MAGI2: variants seen among roughly 807,000 people sequenced by gnomAD.
The protein encoded by MAGI2 is membrane-associated guanylate kinase, WW and PDZ domain-containing protein 2.
MAGI2 carries 35 observed loss-of-function variants against 133.3 expected under a neutral mutation model. The ratio of observed to expected loss-of-function variants is 0.26; its 90% CI spans 0.20 to 0.35. The LOEUF is 0.35. Ranked by LOEUF, MAGI2 falls within the 10% of genes least tolerant of loss-of-function variation. The pLI is 1.00. For synonymous variants in MAGI2, 729 were observed against 710.6 expected, an observed-to-expected ratio of 1.03 and a Z score of -0.41; for missense variants, 1,636 against 1,863.4, an observed-to-expected ratio of 0.88 and a Z score of 2.25.
chr7:78,831,888 G>A (rs1430291114), intron 2 of MAGI2, among the ~76,000 whole-genome samples: 1 of 152,084 alleles, frequency 6.6e-6, no homozygotes, highest in East Asian at 1.9e-4. Context: ...TAATTTTCAT[G>A]TGAAATTTAT....
chr7:78,066,696 C>G (rs1563075235), intron 21 of MAGI2, among the ~76,000 whole-genome samples: 1 of 152,060 alleles, frequency 6.6e-6, no homozygotes, highest in Non-Finnish European at 1.5e-5. Flanking sequence ...TCTGGAATAT[C>G]TAGATTAGTA....
intron 3 of MAGI2, among the ~76,000 whole-genome samples, chr7:78,548,869 T>C (rs1429175574): frequency 3.9e-5 from 6 of 152,208 alleles, no homozygotes; most frequent in Non-Finnish European, 7.3e-5. Context: ...ATCCAAAGTC[T>C]ATATTGAGTT....
intron 1 of MAGI2, among the ~76,000 whole-genome samples, chr7:79,258,327 C>A (rs1402208368): frequency 6.6e-6 from 1 of 152,190 alleles, no homozygotes; most frequent in African/African-American, 2.4e-5. Flanking sequence ...TTAAATAAAT[C>A]TTCTGGGATA....
chr7:78,520,920 A>T (rs1584482399), intron 4 of MAGI2, among the ~76,000 whole-genome samples: 1 of 152,284 alleles, frequency 6.6e-6, no homozygotes, highest in Non-Finnish European at 1.5e-5. Flanking sequence ...ATATATGGGC[A>T]TTCTGCAGTT....
chr7:79,005,046 C>T (rs1020081886), intron 2 of MAGI2, among the ~76,000 whole-genome samples: 2 of 149,858 alleles, frequency 1.3e-5, no homozygotes, highest in South Asian at 2.1e-4. Flanking sequence ...CGCACCATTG[C>T]ACTCCAGCCT....
At chr7:78,268,014 A>G (rs1459181965) in intron 9 of MAGI2, among the ~76,000 whole-genome samples, 1 of 152,134 alleles carries the variant, frequency 6.6e-6, no homozygotes, top group Non-Finnish European at 1.5e-5. Context: ...CTGTACGACT[A>G]TTGAACATGT....
chr7:79,260,403 CATACA>C (rs1305861480), intron 1 of MAGI2, among the ~76,000 whole-genome samples: 8 of 82,202 alleles, frequency 9.7e-5, no homozygotes, highest in African/African-American at 3.0e-4. Context: ...TACATACATA[CATACA>C]TACATACACT....
At chr7:78,415,018 G>A (rs914549930) in intron 6 of MAGI2, among the ~76,000 whole-genome samples, 1 of 152,010 alleles carries the variant, frequency 6.6e-6, no homozygotes, top group Non-Finnish European at 1.5e-5. Flanking sequence ...TACAATAATA[G>A]ATTTCATAAA....
Position 79,198,293 on chromosome 7 carries a change from C to G in MAGI2, c.302-191087G>C, listed in dbSNP as rs1421915863. ...ACAACAACAACAACAAAAACCACAG[C>G]AAGGGCCTTGAAAAGCACATTAGTA... On this transcript the variant is annotated intron_variant, in intron 1 of 21. Coordinates refer to ENST00000354212, the MANE Select transcript of MAGI2 (RefSeq NM_012301.4). 2.6e-5 allele frequency among the ~76,000 whole-genome samples: 4 copies of G among 151,650 alleles called. No homozygotes were observed. In the South Asian group the frequency reaches 8.3e-4, roughly 31 times the overall value.
rs34844201 is a variant in MAGI2 at position 78,838,509 on chromosome 7, AGTGTGTGTGT to A, written c.418+168571_418+168580del. On this transcript the variant is annotated intron_variant, in intron 2 of 21. Transcript: ENST00000354212. ...ATTAAATAAAAGCATTATGTGTGTG[AGTGTGTGTGT>A]GTGTGTGTGTGTGTGTGTCAGATTT... Among the ~76,000 whole-genome samples the A allele has an allele frequency of 2.4e-3, 354 of 147,850 alleles. 3 individuals are homozygous for A. The highest frequency in any genetic ancestry group is 8.3e-3 in the African/African-American group (335 of 40,272).
intron 3 of MAGI2, among the ~76,000 whole-genome samples, chr7:78,597,825 G>A (rs1161854083): frequency 2.0e-5 from 3 of 150,526 alleles, no homozygotes; most frequent in Non-Finnish European, 3.0e-5. Flanking sequence ...TCTTCAATCC[G>A]ATATTTCCAG....
At chr7:79,301,825 T>C (rs996791121) in intron 1 of MAGI2, among the ~76,000 whole-genome samples, 17 of 152,334 alleles carry the variant, frequency 1.1e-4, no homozygotes, top group Middle Eastern at 6.8e-3. Context: ...GGTGTTTGGA[T>C]AATGGGAGTG....
Position 78,019,306 on chromosome 7 carries a change from C to A in MAGI2, c.*9G>T, listed in dbSNP as rs376376862. ...GCCGGGGCGGGCGGGTTGGCCGTGG[C>A]CGCGCGGCTCATCTGCTGGCGGCCG... On this transcript the variant is annotated 3_prime_UTR_variant, in exon 22 of 22. Transcript: ENST00000354212. The A allele has an allele frequency of 1.9e-6, 3 of 1,568,582 alleles. No homozygotes were observed. The highest frequency in any genetic ancestry group is 2.6e-6 in the Non-Finnish European group (3 of 1,167,142).
intron 1 of MAGI2, among the ~76,000 whole-genome samples, chr7:79,337,498 G>A (rs1344256499): frequency 6.6e-6 from 1 of 152,190 alleles, no homozygotes; most frequent in Non-Finnish European, 1.5e-5. Context: ...TAAGTCAGCA[G>A]TGCAGAAAGA....
intron 3 of MAGI2, among the ~76,000 whole-genome samples, chr7:78,572,739 C>T (rs1007189262): frequency 7.2e-4 from 109 of 151,470 alleles, no homozygotes; most frequent in African/African-American, 2.3e-3. Context: ...CTTGGCTCAC[C>T]GCAACCTCCG....
chr7:78,615,689 A>C (rs552123956), intron 3 of MAGI2: 2 of 152,338 alleles, frequency 1.3e-5, no homozygotes, highest in African/African-American at 4.8e-5. Context: ...CTCATTGGAA[A>C]ATTTTAACTC....
chr7:79,285,429 C>G (rs886769339), intron 1 of MAGI2, among the ~76,000 whole-genome samples: 2 of 151,964 alleles, frequency 1.3e-5, no homozygotes, highest in African/African-American at 4.8e-5. Flanking sequence ...ATCAAGACTC[C>G]ATCCAGTGTG....
At chr7:78,877,310 G>A (rs191077019) in intron 2 of MAGI2, among the ~76,000 whole-genome samples, 112 of 152,236 alleles carry the variant, frequency 7.4e-4, no homozygotes, top group African/African-American at 1.5e-3. Context: ...TCTGGTAACC[G>A]AATGGTTACT....
At chr7:78,461,916 C>CAAAAAAAAAA (rs55811983) in intron 6 of MAGI2, among the ~76,000 whole-genome samples, 35 of 30,502 alleles carry the variant, frequency 1.1e-3, no homozygotes, top group Non-Finnish European at 1.4e-3. Flanking sequence ...AATTCCGTCT[C>CAAAAAAAAAA]AAAAAAAAAA....
Sources: gnomAD v4.1 joint callset for allele counts (sites outside exome capture counted in the v4.1 genomes callset) on GRCh38, gnomAD v4.1.1 for gene constraint, MANE v1.5 for transcripts, NCBI Gene and HGNC (gene_info 2026-07-23, HGNC 2026-07-21) for gene names.